The following FCRL6 variants were observed in gnomAD, a reference collection of about 807,000 sequenced individuals.
FCRL6 encodes the protein Fc receptor-like protein 6.
A neutral mutation model predicts 49.1 loss-of-function variants in FCRL6; 50 were observed. The observed-to-expected ratio is 1.02, with a 90% confidence interval of 0.81 to 1.29. FCRL6 has a LOEUF of 1.29. Among genes scored for constraint, FCRL6 ranks in the 50% most tolerant of loss-of-function variants. The pLI, the probability that FCRL6 is intolerant of heterozygous loss-of-function variation, is 0.00. For missense variants in FCRL6, 571 were observed against 518.5 expected (o/e 1.10, Z -0.98); for synonymous variants, 213 against 199.6 (o/e 1.07, Z -0.57).
chr1:159,807,841 G>A (rs1662797780), intron 2 of FCRL6, among the ~76,000 whole-genome samples: 1 of 152,026 alleles, frequency 6.6e-6, no homozygotes, highest in Admixed American at 6.6e-5. Context: ...AGCTTGGCAA[G>A]GCAGACAGGA....
chr1:159,814,130 C>A, intron 7 of FCRL6, 91 bp from the exon 8 acceptor site: 3 of 1,208,600 alleles, frequency 2.5e-6, no homozygotes, highest in Non-Finnish European at 3.7e-6. Flanking sequence ...AACAGAGCCC[C>A]TGATGGGCTT....
Position 159,810,183 on chromosome 1 carries a change from C to G in FCRL6, c.976C>G (p.Leu326Val). ...TGGCCTGATGGTTATTGCTGCTGCA[C>G]TTCTGGTTTATGTGAGATCCTGGAG... The part of the protein sequence containing the change: ...LLGLMVIAAA[L>V]LVYVRSWRKA... Residue 326 changes from leucine (L) to valine (V), a missense_variant, in exon 6 of 10, where the codon CTT (leucine) becomes GTT (valine). By Grantham distance (32) the Leu-to-Val change is conservative. Transcript: ENST00000368106. 6.2e-7 allele frequency: 1 copy of G among 1,613,814 alleles called. No homozygotes were observed. Among genetic ancestry groups the G allele is most frequent in the Non-Finnish European group, 8.5e-7 (1 of 1,179,872 alleles).
chr1:159,812,192 C>G (rs1663126499), intron 6 of FCRL6, among the ~76,000 whole-genome samples: 1 of 152,196 alleles, frequency 6.6e-6, no homozygotes, highest in African/African-American at 2.4e-5. Flanking sequence ...CTCAGAATCT[C>G]AGGCGCACAA....
At chr1:159,805,561 G>A (rs1662624731) in intron 1 of FCRL6, among the ~76,000 whole-genome samples, 1 of 152,066 alleles carries the variant, frequency 6.6e-6, no homozygotes, top group South Asian at 2.1e-4. Context: ...CCATTGTTTG[G>A]GCTATTCAAA....
intron 6 of FCRL6, among the ~76,000 whole-genome samples, chr1:159,810,613 T>G (rs1223307146): frequency 1.3e-5 from 2 of 151,614 alleles, no homozygotes; most frequent in African/African-American, 4.8e-5. Context: ...CTCATTGAGC[T>G]CAGCAGAGCT....
chr1:159,813,006 G>A (rs1220186338), intron 6 of FCRL6, among the ~76,000 whole-genome samples: 2 of 152,162 alleles, frequency 1.3e-5, no homozygotes, highest in East Asian at 1.9e-4. Flanking sequence ...GGAGATAAAA[G>A]TATCAACCTT....
At chr1:159,808,844 G>T in intron 3 of FCRL6, 117 bp from the exon 4 acceptor site, 10 of 1,051,218 alleles carry the variant, frequency 9.5e-6, no homozygotes, top group Non-Finnish European at 1.2e-5. Flanking sequence ...GGATGAAACT[G>T]CCTCCCATCG....
chr1:159,806,159 G>A (rs1358354566), intron 1 of FCRL6, among the ~76,000 whole-genome samples: 1 of 152,242 alleles, frequency 6.6e-6, no homozygotes, highest in East Asian at 1.9e-4. Context: ...TAATGAATAA[G>A]ATAAATTCAA....
intron 6 of FCRL6, 95 bp downstream of exon 6, chr1:159,810,311 C>G (rs552479905): frequency 2.1e-5 from 31 of 1,459,162 alleles, no homozygotes; most frequent in Non-Finnish European, 2.7e-5. Flanking sequence ...ACCAGCCACT[C>G]TCTTCTCCTG....
At chr1:159,810,597 C>T (rs987346896) in intron 6 of FCRL6, among the ~76,000 whole-genome samples, 1 of 151,872 alleles carries the variant, frequency 6.6e-6, no homozygotes, top group African/African-American at 2.4e-5. Context: ...GCCTCCACCT[C>T]TCTCTCTCAT....
rs1220195018 is a variant in FCRL6, at chr1:159,815,950, T to A, written c.*289T>A. On this transcript the variant is annotated 3_prime_UTR_variant, in exon 10 of 10. Transcript: ENST00000368106. ...GATGTCTTCTTTCCATACAAGCATG[T>A]TAGTTCGCCCCAATATACATATATA... 8.1e-6 allele frequency: 3 copies of A among 370,622 alleles called. No homozygotes were observed. Among genetic ancestry groups the A allele is most frequent in the Non-Finnish European group, 1.5e-5 (3 of 194,686 alleles). 23.0% of individuals were successfully genotyped at this position (370,622 alleles called of 1,614,324 possible).
intron 1 of FCRL6, among the ~76,000 whole-genome samples, chr1:159,803,137 CTT>C (rs1023147810): frequency 4.6e-5 from 7 of 152,164 alleles, no homozygotes; most frequent in Admixed American, 4.6e-4. Flanking sequence ...CTCTCTCTCT[CTT>C]CTCTCCATTT....
At position 159,815,436 on chromosome 1, in the gene FCRL6, G is replaced by T; in HGVS notation, c.1156G>T (p.Ala386Ser). The T allele has an allele frequency of 1.9e-6, 3 of 1,614,010 alleles. No homozygotes were observed. Among genetic ancestry groups the T allele is most frequent in the Non-Finnish European group, 1.7e-6 (2 of 1,179,872 alleles). ...RTSKRSEARS[A>S]EFTVGRKDSS... Reference sequence around the variant, plus strand: ...TCATTCTTTCCCCACAGCCAGGTCTGCTGAGTTCACCGTGGGGAGAAAGGT... The same window carrying T: ...TCATTCTTTCCCCACAGCCAGGTCTTCTGAGTTCACCGTGGGGAGAAAGGT... Residue 386 changes from alanine to serine, a missense_variant, in exon 9 of 10, where the codon GCT (alanine) becomes TCT (serine). Coordinates refer to ENST00000368106, the MANE Select transcript of FCRL6 (RefSeq NM_001004310.3).
At chr1:159,812,392 A>G (rs142269333) in intron 6 of FCRL6, among the ~76,000 whole-genome samples, 80 of 152,340 alleles carry the variant, frequency 5.3e-4, no homozygotes, top group Middle Eastern at 3.4e-3. Context: ...TACAGATGTC[A>G]TGTCCAAAGT....
chr1:159,801,065 C>T (rs529321308), upstream of FCRL6, among the ~76,000 whole-genome samples: 2 of 152,258 alleles, frequency 1.3e-5, no homozygotes, highest in Admixed American at 6.5e-5. Context: ...AATGAAAATG[C>T]TTCCTAGTAT....
At chr1:159,800,732 T>C, upstream of FCRL6, 2 of 835,992 alleles carry the variant, frequency 2.4e-6, no homozygotes, top group South Asian at 3.0e-5. Flanking sequence ...CCACTTCCAC[T>C]GAGTCAGACA....
At chr1:159,812,940 T>G (rs528117960) in intron 6 of FCRL6, among the ~76,000 whole-genome samples, 105 of 152,338 alleles carry the variant, frequency 6.9e-4, no homozygotes, top group African/African-American at 2.4e-3. Flanking sequence ...CTCCACTACT[T>G]ACTGTGACCT....
Position 159,806,739 on chromosome 1 carries a change from C to A in FCRL6, c.52+123C>A, listed in dbSNP as rs529126644. On this transcript the variant is annotated intron_variant, in intron 2 of 9. Coordinates refer to ENST00000368106, the MANE Select transcript of FCRL6 (RefSeq NM_001004310.3). ...TCTGCAGAGCAGCACCAGACTAGGC[C>A]CCTTCCTCAGGAGTCTTGGCCAGTT... 3.9e-5 allele frequency: 39 copies of A among 995,298 alleles called. No homozygotes were observed. The South Asian group carries it at 4.4e-4, about 11-fold the overall frequency. 61.7% of individuals were successfully genotyped at this position (995,298 alleles called of 1,614,324 possible). A position where few individuals can be genotyped will look rare whatever the true frequency, so the allele number is the denominator to read the frequency against.
rs1161575268 is a variant in FCRL6 at position 159,815,769 on chromosome 1, G to A, written c.*108G>A. ...GTGGGTCCTTCAGTTCCCAAGCCCA[G>A]CATCACAGAGCCCCCTGAGCCCTTG... is the stretch of plus-strand genomic sequence containing the variant. On this transcript the variant is annotated 3_prime_UTR_variant, in exon 10 of 10. Transcript: ENST00000368106. The A allele has an allele frequency of 7.2e-7, 1 of 1,379,624 alleles. No homozygotes were observed. The highest frequency in any genetic ancestry group is 1.0e-6 in the Non-Finnish European group (1 of 998,054). The allele number at this position is 1,379,624 out of a possible 1,614,324, so 85.5% of individuals were successfully genotyped here.
Sources: gnomAD v4.1 joint callset for allele counts (sites outside exome capture counted in the v4.1 genomes callset) on GRCh38, gnomAD v4.1.1 for gene constraint, MANE v1.5 for transcripts, NCBI Gene and HGNC (gene_info 2026-07-23, HGNC 2026-07-21) for gene names.